The following KIAA0586 variants were observed in gnomAD, a reference collection of about 807,000 sequenced individuals.
The protein encoded by KIAA0586 is KIAA0586.
In KIAA0586, 144 loss-of-function variants were observed where a neutral mutation model predicts 169.8. That is an observed-to-expected ratio of 0.85 (90% CI 0.74 to 0.97). KIAA0586 has a LOEUF of 0.97. Ranked by LOEUF, KIAA0586 falls within the 50% of genes least tolerant of loss-of-function variation. The pLI is 0.00. For missense variants in KIAA0586, 1,854 were observed against 1,823.0 expected (o/e 1.02, Z -0.31); for synonymous variants, 625 against 612.4 (o/e 1.02, Z -0.30).
At chr14:58,446,423 G>A (rs773709778) in intron 6 of KIAA0586, among the ~76,000 whole-genome samples, 2 of 151,902 alleles carry the variant, frequency 1.3e-5, no homozygotes, top group Non-Finnish European at 2.9e-5. Flanking sequence ...CTTGAATCCG[G>A]AAGGCAGAGG....
chr14:58,464,908 A>G (rs1223597299), intron 14 of KIAA0586, among the ~76,000 whole-genome samples: 1 of 152,198 alleles, frequency 6.6e-6, no homozygotes. Flanking sequence ...AACAGCGTAC[A>G]TTGTAAAACT....
Position 58,474,649 on chromosome 14 carries a change from C to T in KIAA0586, c.2677C>T (p.Leu893=). 5 of 1,602,302 alleles carry T rather than the reference C, an allele frequency of 3.1e-6. No individual in the cohort carries two copies. Among genetic ancestry groups the T allele is most frequent in the South Asian group, 1.1e-5 (1 of 87,898 alleles). The change falls in exon 19 of 31, where the codon CTG becomes TTG. Residue 893 remains leucine, a synonymous_variant. Transcript: ENST00000652326. The stretch of plus-strand genomic sequence containing the variant: ...TGAAATTCCAGACTCTGAACCAATT[C>T]TGGAGTTTAACAGAAGTGTTAAAGC... ...CDEIPDSEPI[L]EFNRSVKADS...
intron 16 of KIAA0586, among the ~76,000 whole-genome samples, chr14:58,469,187 T>C (rs1379081920): frequency 6.6e-6 from 1 of 152,208 alleles, no homozygotes; most frequent in African/African-American, 2.4e-5. Flanking sequence ...TTCTCATAGA[T>C]TGACTTCCAC....
At chr14:58,449,451 C>T (rs1034398660) in intron 7 of KIAA0586, among the ~76,000 whole-genome samples, 3 of 152,112 alleles carry the variant, frequency 2.0e-5, no homozygotes, top group African/African-American at 7.2e-5. Flanking sequence ...ATTGCCTGAG[C>T]CCAGGAGGTA....
At chr14:58,452,124 G>C (rs1157648191) in intron 8 of KIAA0586, among the ~76,000 whole-genome samples, 1 of 152,170 alleles carries the variant, frequency 6.6e-6, no homozygotes. Context: ...TTGGGGACTT[G>C]TGGGGAAAGG....
intron 27 of KIAA0586, among the ~76,000 whole-genome samples, chr14:58,505,075 C>T (rs1292042396): frequency 6.6e-6 from 1 of 152,122 alleles, no homozygotes; most frequent in Non-Finnish European, 1.5e-5. Context: ...CCATGTATGC[C>T]TTATCCCAAG....
downstream of KIAA0586, among the ~76,000 whole-genome samples, chr14:58,554,957 A>G (rs2047234398): frequency 6.6e-6 from 1 of 152,102 alleles, no homozygotes; most frequent in Non-Finnish European, 1.5e-5. Context: ...TTAGGAGAGA[A>G]ATTCTGCAGA....
intron 29 of KIAA0586, among the ~76,000 whole-genome samples, chr14:58,522,464 C>T (rs1270191115): frequency 6.6e-6 from 1 of 152,146 alleles, no homozygotes; most frequent in African/African-American, 2.4e-5. Context: ...CAGTTCAACA[C>T]AAATGCAACA....
chr14:58,544,062 CTTT>C (rs1368113573), intron 30 of KIAA0586: 5 of 350,696 alleles, frequency 1.4e-5, no homozygotes, highest in African/African-American at 8.7e-5. Context: ...TTGTTTCCTT[CTTT>C]GTGTTCATGA....
chr14:58,497,630 T>C (rs1226978684), intron 26 of KIAA0586, among the ~76,000 whole-genome samples: 1 of 151,870 alleles, frequency 6.6e-6, no homozygotes, highest in African/African-American at 2.4e-5. Flanking sequence ...CCCAAAGTGC[T>C]GGGTGGTGTG....
chr14:58,442,951 A>G (rs1442626822), intron 5 of KIAA0586, 71 bp downstream of exon 5: 14 of 1,129,880 alleles, frequency 1.2e-5, no homozygotes, highest in East Asian at 2.6e-5. Context: ...AACTGATTCT[A>G]TAAATGGTTG....
At chr14:58,456,003 C>T (rs2039808197) in intron 9 of KIAA0586, among the ~76,000 whole-genome samples, 1 of 148,566 alleles carries the variant, frequency 6.7e-6, no homozygotes, top group Admixed American at 6.9e-5. Context: ...GTCACTACCT[C>T]ACGCTGCTGA....
At chr14:58,479,988 T>C (rs990421020) in intron 20 of KIAA0586, among the ~76,000 whole-genome samples, 2 of 152,180 alleles carry the variant, frequency 1.3e-5, no homozygotes, top group Non-Finnish European at 1.5e-5. Context: ...TTTTTTCTTT[T>C]TTATTCCTGT....
chr14:58,530,082 A>G (rs577157999), intron 29 of KIAA0586, among the ~76,000 whole-genome samples: 1 of 152,316 alleles, frequency 6.6e-6, no homozygotes, highest in East Asian at 1.9e-4. Context: ...TCGTGAGTGA[A>G]CTCCCATTCA....
intron 30 of KIAA0586, chr14:58,543,831 A>G (rs2046815018): frequency 2.3e-6 from 1 of 440,214 alleles, no homozygotes; most frequent in South Asian, 1.7e-5. Context: ...TCTATTTTCC[A>G]CACAGCTATT....
At chr14:58,477,578 A>G (rs2041737349) in intron 20 of KIAA0586, among the ~76,000 whole-genome samples, 3 of 152,202 alleles carry the variant, frequency 2.0e-5, no homozygotes, top group African/African-American at 7.2e-5. Flanking sequence ...TAAATTACTC[A>G]GGATTTAAGG....
In KIAA0586 at chr14:58,469,033, A is replaced by C. The variant is rs181570576; in HGVS notation, c.2442+1111A>C. ...CATGAACAGTCAACAGGCTCTTAGT[A>C]CTGATTTTTGACTGGACACTCCTCC... On this transcript the variant is annotated intron_variant, in intron 16 of 30. Coordinates refer to ENST00000652326, the MANE Select transcript of KIAA0586 (RefSeq NM_001329943.3). 1.2e-3 allele frequency among the ~76,000 whole-genome samples: 181 copies of C among 152,230 alleles called. 1 individual carries two copies. Among genetic ancestry groups the C allele is most frequent in the Non-Finnish European group, 8.5e-4 (58 of 68,018 alleles).
At chr14:58,476,755 C>A (rs1312232427) in intron 19 of KIAA0586, among the ~76,000 whole-genome samples, 1 of 148,504 alleles carries the variant, frequency 6.7e-6, no homozygotes, top group Non-Finnish European at 1.5e-5. Flanking sequence ...GCAGCCTCAA[C>A]CTCGTGGGCT....
Position 58,489,530 on chromosome 14 carries a change from A to AT in KIAA0586, c.3782-623dup, listed in dbSNP as rs918586513. On this transcript the variant is annotated intron_variant, in intron 24 of 30. Coordinates refer to ENST00000652326, the MANE Select transcript of KIAA0586 (RefSeq NM_001329943.3). ...CCACCTCACCCAGCCTGAAACCTGA[A>AT]TTTTTTTTTTTACCAAATAATATAT... 4.2e-3 allele frequency among the ~76,000 whole-genome samples: 631 copies of AT among 148,736 alleles called. 4 individuals are homozygous for AT. The highest frequency in any genetic ancestry group is 0.011 in the African/African-American group (431 of 40,804).
Sources: gnomAD v4.1 joint callset for allele counts (sites outside exome capture counted in the v4.1 genomes callset) on GRCh38, gnomAD v4.1.1 for gene constraint, MANE v1.5 for transcripts, NCBI Gene and HGNC (gene_info 2026-07-23, HGNC 2026-07-21) for gene names.